SMYD3: variants seen among roughly 807,000 people sequenced by gnomAD.
SMYD3 encodes SET and MYND domain containing 3.
Under a neutral mutation model 57.7 loss-of-function variants are expected in SMYD3, and 36 were observed. The ratio of observed to expected loss-of-function variants is 0.62; its 90% CI spans 0.48 to 0.82. The LOEUF (loss-of-function observed/expected upper bound fraction) is 0.82, where lower values mean the gene tolerates loss of function less well. SMYD3 is among the 40% of genes least tolerant of loss of function. The pLI, the probability that SMYD3 is intolerant of heterozygous loss-of-function variation, is 0.00. For missense variants in SMYD3, 515 were observed against 538.8 expected (o/e 0.96, Z 0.44); for synonymous variants, 211 against 195.0 (o/e 1.08, Z -0.68).
intron 8 of SMYD3, among the ~76,000 whole-genome samples, chr1:245,886,381 A>T (rs774053944): frequency 5.3e-5 from 8 of 152,198 alleles, no homozygotes; most frequent in Non-Finnish European, 7.3e-5. Flanking sequence ...AAAGAAGAGG[A>T]AGCAGAAGAT....
intron 5 of SMYD3, among the ~76,000 whole-genome samples, chr1:246,103,114 G>A (rs1215702165): frequency 6.6e-6 from 1 of 152,162 alleles, no homozygotes; most frequent in African/African-American, 2.4e-5. Flanking sequence ...AAGGTAAGCT[G>A]TCAATAAATA....
chr1:246,228,720 T>C (rs2063367395), intron 5 of SMYD3, among the ~76,000 whole-genome samples: 1 of 152,226 alleles, frequency 6.6e-6, no homozygotes, highest in Non-Finnish European at 1.5e-5. Context: ...CTGTATAAGT[T>C]TCTCAGAGAA....
chr1:245,772,334 C>T (rs545271196), intron 10 of SMYD3, among the ~76,000 whole-genome samples: 2 of 152,254 alleles, frequency 1.3e-5, no homozygotes, highest in Admixed American at 1.3e-4. Flanking sequence ...AAACCTTCCA[C>T]CAAATAGGTC....
intron 1 of SMYD3, among the ~76,000 whole-genome samples, chr1:246,436,258 A>G (rs1048458239): frequency 2.6e-5 from 4 of 152,080 alleles, no homozygotes; most frequent in African/African-American, 7.2e-5. Context: ...TCATGGAAAC[A>G]TGGACTTAAA....
At chr1:246,049,290 T>TTTG (rs2060022931) in intron 5 of SMYD3, among the ~76,000 whole-genome samples, 2 of 151,936 alleles carry the variant, frequency 1.3e-5, no homozygotes, top group South Asian at 4.2e-4. Flanking sequence ...TATGTGTTTT[T>TTTG]TTTGTTTGTT....
intron 5 of SMYD3, among the ~76,000 whole-genome samples, chr1:246,248,636 CTTTT>C (rs1178698803): frequency 1.9e-5 from 1 of 52,106 alleles, no homozygotes; most frequent in Non-Finnish European, 3.2e-5. Flanking sequence ...TCTGACTTTC[CTTTT>C]TTTTTTTTTT....
At chr1:245,826,501 C>T (rs890322429) in intron 10 of SMYD3, among the ~76,000 whole-genome samples, 6 of 152,258 alleles carry the variant, frequency 3.9e-5, no homozygotes, top group East Asian at 3.9e-4. Flanking sequence ...AGCCATGAGC[C>T]GCTGCATCCA....
intron 1 of SMYD3, among the ~76,000 whole-genome samples, chr1:246,481,718 A>G (rs1351176146): frequency 2.0e-5 from 3 of 146,558 alleles, no homozygotes; most frequent in Admixed American, 6.9e-5. Flanking sequence ...TTATATATAT[A>G]TGAACTGATA....
chr1:246,387,171 C>G (rs1412356408), intron 1 of SMYD3, among the ~76,000 whole-genome samples: 1 of 152,140 alleles, frequency 6.6e-6, no homozygotes, highest in Non-Finnish European at 1.5e-5. Flanking sequence ...TCCCTTCTAA[C>G]CACCGCATGA....
intron 1 of SMYD3, among the ~76,000 whole-genome samples, chr1:246,374,701 G>A (rs950335118): frequency 6.6e-6 from 1 of 152,232 alleles, no homozygotes; most frequent in Non-Finnish European, 1.5e-5. Context: ...GCCGGGCATA[G>A]TGGCTCATGC....
At chr1:246,049,924 A>G (rs1210218684) in intron 5 of SMYD3, among the ~76,000 whole-genome samples, 2 of 152,208 alleles carry the variant, frequency 1.3e-5, no homozygotes, top group Non-Finnish European at 2.9e-5. Flanking sequence ...CCACCAAGAT[A>G]AAATATACAA....
chr1:246,048,724 T>C (rs961582759), intron 5 of SMYD3, among the ~76,000 whole-genome samples: 2 of 151,724 alleles, frequency 1.3e-5, no homozygotes, highest in African/African-American at 2.4e-5. Flanking sequence ...ACAGGGAGAA[T>C]GATAGCAACT....
At chr1:245,767,234 C>A (rs1385749144) in intron 10 of SMYD3, among the ~76,000 whole-genome samples, 1 of 152,038 alleles carries the variant, frequency 6.6e-6, no homozygotes, top group African/African-American at 2.4e-5. Flanking sequence ...GATTAAGAGT[C>A]CAAAGTGAAG....
At chr1:245,928,156 G>T (rs2275315) in intron 6 of SMYD3, 123 bp from the exon 7 acceptor site, 1 of 445,106 alleles carries the variant, frequency 2.2e-6, no homozygotes, top group Non-Finnish European at 3.7e-6. Flanking sequence ...TTGACAGGAT[G>T]CCAGGGGTTC....
intron 5 of SMYD3, among the ~76,000 whole-genome samples, chr1:246,275,016 T>G (rs991870475): frequency 6.6e-6 from 1 of 152,148 alleles, no homozygotes. Context: ...TTGACTTTTA[T>G]AGGCAGATTT....
chr1:246,026,923 C>T (rs1366470110), intron 5 of SMYD3, among the ~76,000 whole-genome samples: 1 of 152,156 alleles, frequency 6.6e-6, no homozygotes, highest in Non-Finnish European at 1.5e-5. Flanking sequence ...TTGCACAAAA[C>T]AGTTAGCCAA....
chr1:246,245,573 A>T (rs1466642234), intron 5 of SMYD3, among the ~76,000 whole-genome samples: 3 of 151,904 alleles, frequency 2.0e-5, no homozygotes, highest in Non-Finnish European at 4.4e-5. Flanking sequence ...GAGAGAAATG[A>T]AATAGAAATT....
At chr1:246,343,808 C>T (rs562508992) in intron 2 of SMYD3, among the ~76,000 whole-genome samples, 2 of 152,242 alleles carry the variant, frequency 1.3e-5, no homozygotes, top group South Asian at 2.1e-4. Context: ...ACAACGGCTT[C>T]TTCAAACAAT....
intron 1 of SMYD3, among the ~76,000 whole-genome samples, chr1:246,430,158 T>C (rs1326798821): frequency 1.3e-5 from 2 of 151,896 alleles, no homozygotes; most frequent in Non-Finnish European, 2.9e-5. Flanking sequence ...TGGTAACTCC[T>C]GCCTCAAGGA....
Sources: gnomAD v4.1 joint callset for allele counts (sites outside exome capture counted in the v4.1 genomes callset) on GRCh38, gnomAD v4.1.1 for gene constraint, MANE v1.5 for transcripts, NCBI Gene and HGNC (gene_info 2026-07-23, HGNC 2026-07-21) for gene names.